Variants in ANKRD18B observed in about 807,000 individuals in gnomAD.
ANKRD18B encodes ankyrin repeat domain-containing protein 18B.
A neutral mutation model predicts 111.8 loss-of-function variants in ANKRD18B; 75 were observed. The ratio of observed to expected loss-of-function variants is 0.67; its 90% CI spans 0.56 to 0.81. The LOEUF (loss-of-function observed/expected upper bound fraction) is 0.81, where lower values mean the gene tolerates loss of function less well. Among genes scored for constraint, ANKRD18B ranks in the 40% least tolerant of loss-of-function variants. The pLI is 0.00. For missense variants in ANKRD18B, 1,038 were observed against 1,225.5 expected, an observed-to-expected ratio of 0.85 and a Z score of 2.28; for synonymous variants, 356 against 417.3, an observed-to-expected ratio of 0.85 and a Z score of 1.79.
intron 6 of ANKRD18B, among the ~76,000 whole-genome samples, chr9:33,537,731 C>G (rs1828222454): frequency 6.6e-6 from 1 of 152,132 alleles, no homozygotes; most frequent in Admixed American, 6.5e-5. Flanking sequence ...AACTTTGACT[C>G]CTTCCAAACG....
At chr9:33,545,416 G>C (rs1025624008) in intron 10 of ANKRD18B, among the ~76,000 whole-genome samples, 6 of 152,192 alleles carry the variant, frequency 3.9e-5, no homozygotes, top group Non-Finnish European at 7.3e-5. Context: ...TTTGTGGTTT[G>C]CTCACTCCAA....
intron 9 of ANKRD18B, among the ~76,000 whole-genome samples, chr9:33,542,248 G>T (rs1828289764): frequency 6.7e-6 from 1 of 149,942 alleles, no homozygotes; most frequent in African/African-American, 2.5e-5. Context: ...GTGCAGCTCA[G>T]ATGGTGAAGT....
At chr9:33,537,538 A>G (rs1195470642) in intron 6 of ANKRD18B, among the ~76,000 whole-genome samples, 1 of 152,174 alleles carries the variant, frequency 6.6e-6, no homozygotes, top group Non-Finnish European at 1.5e-5. Context: ...AGTTTAAGTT[A>G]ATATGTTGCA....
At chr9:33,535,452 A>AT (rs1167894629) in intron 5 of ANKRD18B, among the ~76,000 whole-genome samples, 1 of 151,124 alleles carries the variant, frequency 6.6e-6, no homozygotes, top group African/African-American at 2.4e-5. Context: ...TCCCTGGCTA[A>AT]TTTTTTTTGT....
Position 33,549,994 on chromosome 9 carries a change from G to A in ANKRD18B, c.2068-436G>A, listed in dbSNP as rs1264076135. On this transcript the variant is annotated intron_variant, in intron 11 of 18. Coordinates refer to ENST00000684830, the MANE Select transcript of ANKRD18B (RefSeq NM_001393611.1). ...TTTCAGACTAATGAGGGGTGGCAGAGTTCACGGAGAGTGGGATTGAAGTTT... is the reference window on the plus strand; with the variant it reads ...TTTCAGACTAATGAGGGGTGGCAGAATTCACGGAGAGTGGGATTGAAGTTT... Among the ~76,000 whole-genome samples, 3 of 152,132 alleles carry A rather than the reference G, an allele frequency of 2.0e-5. No homozygotes were observed. The South Asian group carries it at 6.2e-4, about 32-fold the overall frequency.
chr9:33,547,685 T>A (rs1344717778), intron 10 of ANKRD18B, among the ~76,000 whole-genome samples: 15 of 29,818 alleles, frequency 5.0e-4, no homozygotes, highest in African/African-American at 8.3e-4. Context: ...CTCTAGAGTG[T>A]GTGTGTGTGT....
chr9:33,560,846 G>C (rs569430238), intron 14 of ANKRD18B, among the ~76,000 whole-genome samples: 4 of 152,024 alleles, frequency 2.6e-5, no homozygotes, highest in African/African-American at 9.7e-5. Flanking sequence ...GTAATCCCAG[G>C]TACTCAGGAG....
At chr9:33,526,370 C>A (rs1436059667) in intron 1 of ANKRD18B, among the ~76,000 whole-genome samples, 1 of 152,140 alleles carries the variant, frequency 6.6e-6, no homozygotes, top group East Asian at 1.9e-4. Context: ...TGTGAAGATG[C>A]ATTTTGTTAC....
At chr9:33,545,080 A>G (rs1255732430) in intron 10 of ANKRD18B, among the ~76,000 whole-genome samples, 1 of 152,160 alleles carries the variant, frequency 6.6e-6, no homozygotes, top group Non-Finnish European at 1.5e-5. Context: ...CATCTCACTC[A>G]GGTCTTATCG....
intron 3 of ANKRD18B, among the ~76,000 whole-genome samples, chr9:33,530,021 AT>A (rs1362613226): frequency 3.3e-5 from 5 of 152,138 alleles, no homozygotes; most frequent in Non-Finnish European, 7.4e-5. Context: ...ATCAACTGGG[AT>A]TTTGAGTTTA....
At position 33,528,742 on chromosome 9, in the gene ANKRD18B, G is replaced by A; in HGVS notation, c.222G>A (p.Leu74=). 1.2e-6 allele frequency: 2 copies of A among 1,612,156 alleles called. No individual in the cohort carries two copies. The highest frequency in any genetic ancestry group is 1.7e-6 in the Non-Finnish European group (2 of 1,179,162). The change falls in exon 2 of 19, where the codon TTG becomes TTA. Residue 74 remains leucine, a synonymous_variant. Transcript: ENST00000684830. ...RDRKDRTVLH[L]ACAHGRVQVV... ...GCTCTCCTAGGACTGTTCTACATTT[G>A]GCCTGTGCCCATGGCCGTGTGCAAG...
At chr9:33,532,652 T>C (rs1213706638) in intron 3 of ANKRD18B, among the ~76,000 whole-genome samples, 1 of 152,200 alleles carries the variant, frequency 6.6e-6, no homozygotes, top group Non-Finnish European at 1.5e-5. Context: ...CAATCTCTCT[T>C]AATTCAGAGC....
chr9:33,544,069 C>T (rs1828321438), intron 10 of ANKRD18B, among the ~76,000 whole-genome samples: 1 of 152,104 alleles, frequency 6.6e-6, no homozygotes, highest in African/African-American at 2.4e-5. Context: ...AATATGAATT[C>T]ACTGTAGGGG....
chr9:33,555,660 G>C, intron 12 of ANKRD18B, 48 bp from the exon 13 acceptor site: 1 of 1,192,062 alleles, frequency 8.4e-7, no homozygotes, highest in Non-Finnish European at 1.1e-6. Context: ...TAAGATAGAA[G>C]AGGGTCTCTA....
At position 33,566,199 on chromosome 9, in the gene ANKRD18B, C is replaced by T. The variant is rs1055073663; in HGVS notation, c.2461-20C>T. On this transcript the variant is annotated intron_variant, in intron 14 of 18. Transcript: ENST00000684830. ...TCTCAGCCTACTTCATTATCAAGCT[C>T]TATTATTTTATTAATGCAGTTTGAT... 166 of 1,535,916 alleles carry T rather than the reference C, an allele frequency of 1.1e-4. No individual in the cohort carries two copies. The African/African-American group carries it at 2.1e-3, about 20-fold the overall frequency.
At chr9:33,544,231 C>CA (rs1828323672) in intron 10 of ANKRD18B, among the ~76,000 whole-genome samples, 1 of 152,108 alleles carries the variant, frequency 6.6e-6, no homozygotes, top group African/African-American at 2.4e-5. Context: ...CTTCCTGGTT[C>CA]ACGTTTTTCC....
intron 10 of ANKRD18B, 101 bp downstream of exon 10, chr9:33,543,356 A>G: frequency 1.1e-6 from 1 of 898,918 alleles, no homozygotes; most frequent in Admixed American, 3.1e-5. Flanking sequence ...CTATCCTTTT[A>G]GAATCCAACA....
intron 15 of ANKRD18B, among the ~76,000 whole-genome samples, 182 bp downstream of exon 15, chr9:33,566,682 TAA>T (rs1352669810): frequency 2.6e-5 from 4 of 152,144 alleles, no homozygotes; most frequent in African/African-American, 7.2e-5. Flanking sequence ...ATTATTATTA[TAA>T]CAAAATCAAT....
intron 12 of ANKRD18B, among the ~76,000 whole-genome samples, chr9:33,553,213 A>T (rs1169565470): frequency 6.6e-6 from 1 of 151,228 alleles, no homozygotes; most frequent in Non-Finnish European, 1.5e-5. Context: ...AAAAAAAAAA[A>T]TTAAACAGCT....
Sources: allele counts gnomAD v4.1 joint callset (sites outside exome capture counted in the v4.1 genomes callset), GRCh38; gene constraint gnomAD v4.1.1; transcripts MANE v1.5; gene names NCBI Gene and HGNC (gene_info 2026-07-23, HGNC 2026-07-21).